Variants in CSMD1 observed in about 807,000 individuals in gnomAD.
The protein encoded by CSMD1 is CUB and Sushi multiple domains 1.
A neutral mutation model predicts 417.5 loss-of-function variants in CSMD1; 213 were observed. The ratio of observed to expected loss-of-function variants is 0.51; its 90% CI spans 0.46 to 0.57. The LOEUF (loss-of-function observed/expected upper bound fraction) is 0.57. Ranked by LOEUF, CSMD1 falls within the 20% of genes least tolerant of loss-of-function variation. The probability of loss-of-function intolerance (pLI) is 0.00; values close to 1 mark genes in which losing one functional copy is unlikely to be tolerated. For synonymous variants in CSMD1, 2,862 were observed against 1,736.8 expected, an observed-to-expected ratio of 1.65 and a Z score of -16.11; for missense variants, 6,923 against 4,529.7, an observed-to-expected ratio of 1.53 and a Z score of -15.17.
chr8:4,749,717 A>T (rs1811181963), intron 1 of CSMD1, among the ~76,000 whole-genome samples: 1 of 152,162 alleles, frequency 6.6e-6, no homozygotes. Flanking sequence ...AATTCATTGC[A>T]ATAATTTTAA....
chr8:3,888,403 T>C (rs561505149), intron 5 of CSMD1, among the ~76,000 whole-genome samples: 6 of 152,314 alleles, frequency 3.9e-5, no homozygotes, highest in South Asian at 2.1e-4. Flanking sequence ...TTTCATTCTA[T>C]ACGGAAACCT....
rs1449818698 is a variant in CSMD1 at position 4,915,572 on chromosome 8, G to A, written c.85+78760C>T. Among the ~76,000 whole-genome samples, 3 of 152,224 alleles carry A rather than the reference G, an allele frequency of 2.0e-5. 1 individual carries two copies. Among genetic ancestry groups the A allele is most frequent in the East Asian group, 1.9e-4 (1 of 5,184 alleles). ...TCATGGACCTGCGTCTGCAGTAGAG[G>A]GCAGGAGCAGGGACAGCTGGGGGAC... On this transcript the variant is annotated intron_variant, in intron 1 of 69. Coordinates refer to ENST00000635120, the MANE Select transcript of CSMD1 (RefSeq NM_033225.6).
intron 3 of CSMD1, among the ~76,000 whole-genome samples, chr8:4,041,179 G>C (rs905474873): frequency 2.0e-5 from 3 of 151,714 alleles, no homozygotes; most frequent in African/African-American, 7.3e-5. Context: ...ACCACGCCCG[G>C]CTAATTTTTT....
intron 2 of CSMD1, among the ~76,000 whole-genome samples, chr8:4,594,195 C>CTTTTTTTTTTTTTTTT (rs771415822): frequency 3.2e-5 from 3 of 92,374 alleles, no homozygotes; most frequent in Non-Finnish European, 6.2e-5. Context: ...CTAAAGTGAT[C>CTTTTTTTTTTTTTTTT]TTTTTTTTTT....
intron 5 of CSMD1, among the ~76,000 whole-genome samples, chr8:3,943,892 C>A (rs558399268): frequency 8.5e-5 from 13 of 152,206 alleles, no homozygotes; most frequent in Non-Finnish European, 1.6e-4. Flanking sequence ...CAGCTAAATG[C>A]AACCTGTGAT....
intron 41 of CSMD1, among the ~76,000 whole-genome samples, chr8:3,121,247 C>G (rs1356014862): frequency 6.6e-6 from 1 of 152,132 alleles, no homozygotes; most frequent in Non-Finnish European, 1.5e-5. Context: ...TAAGCCCTGA[C>G]TATAGTCAGC....
At position 3,450,776 on chromosome 8, in the gene CSMD1, C is replaced by T. The variant is rs1363039497; in HGVS notation, c.1561+17936G>A. Among the ~76,000 whole-genome samples the T allele has an allele frequency of 3.3e-5, 5 of 152,096 alleles. No individual in the cohort carries two copies. In the East Asian group the frequency reaches 9.7e-4, roughly 29 times the overall value. On this transcript the variant is annotated intron_variant, in intron 12 of 69. Coordinates refer to ENST00000635120, the MANE Select transcript of CSMD1 (RefSeq NM_033225.6). The stretch of plus-strand genomic sequence containing the variant: ...TGTGAATAGTGCCACAGTAAACATA[C>T]GTGTGCATGTGTCTTTATAGCAGCA...
chr8:4,212,023 C>G (rs1028442908), intron 3 of CSMD1, among the ~76,000 whole-genome samples: 1 of 151,960 alleles, frequency 6.6e-6, no homozygotes, highest in African/African-American at 2.4e-5. Context: ...ATTTGTGCAG[C>G]TGTAATGCAA....
chr8:4,850,799 A>C (rs1037749118), intron 1 of CSMD1, among the ~76,000 whole-genome samples: 34 of 151,906 alleles, frequency 2.2e-4, no homozygotes, highest in Non-Finnish European at 3.5e-4. Flanking sequence ...TATTTTACCC[A>C]AACTGCCCTC....
At chr8:3,304,311 G>A (rs1003906756) in intron 25 of CSMD1, among the ~76,000 whole-genome samples, 3 of 152,136 alleles carry the variant, frequency 2.0e-5, no homozygotes, top group Non-Finnish European at 4.4e-5. Context: ...AAATAAATAA[G>A]ACTTAGTAAC....
intron 1 of CSMD1, among the ~76,000 whole-genome samples, chr8:4,855,955 A>G (rs998230212): frequency 6.0e-5 from 9 of 150,664 alleles, no homozygotes. Flanking sequence ...TCCAAGACAC[A>G]TAATTGTCAG....
chr8:3,874,200 G>C (rs1297719178), intron 5 of CSMD1, among the ~76,000 whole-genome samples: 1 of 152,156 alleles, frequency 6.6e-6, no homozygotes, highest in Non-Finnish European at 1.5e-5. Flanking sequence ...CAGCCATGGA[G>C]AAGACCTTCC....
Position 3,399,539 on chromosome 8 carries a change from G to C in CSMD1, c.2267-10C>G, listed in dbSNP as rs747810365. The C allele has an allele frequency of 1.3e-6, 2 of 1,574,050 alleles. No homozygotes were observed. The highest frequency in any genetic ancestry group is 1.7e-6 in the Non-Finnish European group (2 of 1,163,010). ...TGTCCACCACATGGAGCTAAAACAA[G>C]ACGTAGAATATCTATTAGATCCAAT... On this transcript the variant is annotated splice_polypyrimidine_tract_variant and intron_variant, in intron 15 of 69. Transcript: ENST00000635120.
rs149515971 is a variant in CSMD1, at chr8:3,095,925, C to T, written c.7138+924G>A. Among the ~76,000 whole-genome samples, 807 of 152,208 alleles carry T rather than the reference C, an allele frequency of 5.3e-3. 4 individuals carry two copies. Among genetic ancestry groups the T allele is most frequent in the Middle Eastern group, 0.02 (6 of 294 alleles). On this transcript the variant is annotated intron_variant, in intron 47 of 69. Transcript: ENST00000635120. ...TGTTGAAAACAGTATTGCACGTGTT[C>T]AGTTAACCATATTTCACTATTTCAA...
intron 3 of CSMD1, among the ~76,000 whole-genome samples, chr8:4,190,306 T>C (rs759488347): frequency 3.3e-5 from 5 of 150,650 alleles, no homozygotes; most frequent in Non-Finnish European, 5.9e-5. Context: ...CTAGTTTTAC[T>C]TACATCTAAG....
intron 1 of CSMD1, among the ~76,000 whole-genome samples, chr8:4,722,410 G>C (rs897456497): frequency 6.6e-6 from 1 of 152,094 alleles, no homozygotes; most frequent in Non-Finnish European, 1.5e-5. Context: ...TGTATCTCTT[G>C]ACCGAGTGAA....
chr8:3,506,771 T>G (rs937264934), intron 10 of CSMD1, among the ~76,000 whole-genome samples: 2 of 152,232 alleles, frequency 1.3e-5, no homozygotes, highest in African/African-American at 4.8e-5. Flanking sequence ...TTGCTCATGG[T>G]TGGCAGTGAT....
At chr8:4,392,638 G>C (rs55879555) in intron 3 of CSMD1, among the ~76,000 whole-genome samples, 1 of 151,480 alleles carries the variant, frequency 6.6e-6, no homozygotes, top group African/African-American at 2.4e-5. Flanking sequence ...GGGTTTTTTG[G>C]GGGGGAGGGT....
chr8:3,403,304 A>AT (rs1005776450), intron 15 of CSMD1, among the ~76,000 whole-genome samples: 1 of 151,896 alleles, frequency 6.6e-6, no homozygotes, highest in African/African-American at 2.4e-5. Context: ...TTGCTATTTT[A>AT]TTTTTTTCCC....
Sources: allele counts gnomAD v4.1 joint callset (sites outside exome capture counted in the v4.1 genomes callset), GRCh38; gene constraint gnomAD v4.1.1; transcripts MANE v1.5; gene names NCBI Gene and HGNC (gene_info 2026-07-23, HGNC 2026-07-21).